The following CSMD1 variants were observed in gnomAD, a reference collection of about 807,000 sequenced individuals.
CSMD1 encodes CUB and Sushi multiple domains 1, also known as CUB and sushi domain-containing protein 1.
A neutral mutation model predicts 417.5 loss-of-function variants in CSMD1; 213 were observed. The ratio of observed to expected loss-of-function variants is 0.51; its 90% CI spans 0.46 to 0.57. CSMD1 has a LOEUF of 0.57. Ranked by LOEUF, CSMD1 falls within the 20% of genes least tolerant of loss-of-function variation. The pLI, the probability that CSMD1 is intolerant of heterozygous loss-of-function variation, is 0.00. For missense variants in CSMD1, 6,923 were observed against 4,529.7 expected, an observed-to-expected ratio of 1.53 and a Z score of -15.17; for synonymous variants, 2,862 against 1,736.8, an observed-to-expected ratio of 1.65 and a Z score of -16.11.
chr8:4,196,204 C>T (rs1360108433), intron 3 of CSMD1, among the ~76,000 whole-genome samples: 3 of 152,100 alleles, frequency 2.0e-5, no homozygotes, highest in Non-Finnish European at 4.4e-5. Flanking sequence ...GAGCAAGACT[C>T]CGTTTCAAAA....
chr8:2,991,017 T>G (rs1035887544), intron 54 of CSMD1, among the ~76,000 whole-genome samples: 1 of 152,194 alleles, frequency 6.6e-6, no homozygotes, highest in Non-Finnish European at 1.5e-5. Flanking sequence ...GCAATAGGAA[T>G]TGACTGCTGC....
intron 2 of CSMD1, among the ~76,000 whole-genome samples, chr8:4,510,273 G>T (rs1023769060): frequency 6.6e-6 from 1 of 151,170 alleles, no homozygotes; most frequent in African/African-American, 2.4e-5. Context: ...CCAAGTCTTG[G>T]GTATGTCTTT....
intron 12 of CSMD1, among the ~76,000 whole-genome samples, chr8:3,416,854 T>G (rs573014465): frequency 4.3e-4 from 66 of 152,370 alleles, no homozygotes; most frequent in African/African-American, 1.5e-3. Context: ...ATCAGGTTCT[T>G]TCTCTTCCCT....
At chr8:4,351,001 G>T (rs1412505950) in intron 3 of CSMD1, among the ~76,000 whole-genome samples, 1 of 152,022 alleles carries the variant, frequency 6.6e-6, no homozygotes. Context: ...CTGCTTAATC[G>T]AAATTAAAGT....
At chr8:4,486,619 C>T (rs570075533) in intron 2 of CSMD1, among the ~76,000 whole-genome samples, 27 of 151,978 alleles carry the variant, frequency 1.8e-4, no homozygotes, top group African/African-American at 5.6e-4. Context: ...TATATAAATA[C>T]GACTCAGTGA....
intron 1 of CSMD1, among the ~76,000 whole-genome samples, chr8:4,784,478 C>G (rs74811116): frequency 4.6e-5 from 7 of 152,186 alleles, no homozygotes; most frequent in African/African-American, 1.2e-4. Flanking sequence ...GAAATTTTAA[C>G]TGCTGTTTTA....
At chr8:4,136,545 A>T (rs1803446798) in intron 3 of CSMD1, among the ~76,000 whole-genome samples, 3 of 152,240 alleles carry the variant, frequency 2.0e-5, no homozygotes, top group Admixed American at 1.3e-4. Flanking sequence ...GACTCTCAGC[A>T]AAAGATGCAA....
intron 3 of CSMD1, among the ~76,000 whole-genome samples, chr8:4,104,838 G>A (rs527783011): frequency 6.6e-6 from 1 of 152,120 alleles, no homozygotes; most frequent in Non-Finnish European, 1.5e-5. Flanking sequence ...TGAGATCAAA[G>A]CCTCTGAGTG....
intron 2 of CSMD1, among the ~76,000 whole-genome samples, chr8:4,532,402 C>T (rs977488142): frequency 6.6e-6 from 1 of 150,680 alleles, no homozygotes; most frequent in Non-Finnish European, 1.5e-5. Flanking sequence ...CACCCCCATT[C>T]AGTCACTCCG....
chr8:4,461,742 T>TTTA (rs1554487163), intron 2 of CSMD1, among the ~76,000 whole-genome samples: 5 of 4,726 alleles, frequency 1.1e-3, no homozygotes, highest in Non-Finnish European at 2.4e-3. Context: ...TATTTACTTA[T>TTTA]TTTTTTTTTT....
chr8:3,205,317 C>T (rs1054068201), intron 31 of CSMD1, among the ~76,000 whole-genome samples, 187 bp downstream of exon 31: 2 of 152,132 alleles, frequency 1.3e-5, no homozygotes, highest in Non-Finnish European at 2.9e-5. Flanking sequence ...ATTAATATCA[C>T]ATTGGTAAAA....
Position 4,489,830 on chromosome 8 carries a change from C to G in CSMD1, c.303-69765G>C, listed in dbSNP as rs559794243. On this transcript the variant is annotated intron_variant, in intron 2 of 69. Coordinates refer to ENST00000635120, the MANE Select transcript of CSMD1 (RefSeq NM_033225.6). ...AGAACATAGTCAGGCTGCCACCTGA[C>G]TTGCAGCCTTGTGAGGTCGTAAGCA... 3.3e-4 allele frequency among the ~76,000 whole-genome samples: 51 copies of G among 152,288 alleles called. No individual in the cohort carries two copies. The South Asian group carries it at 0.011, about 32-fold the overall frequency.
chr8:3,889,977 G>A (rs535276152), intron 5 of CSMD1, among the ~76,000 whole-genome samples: 1 of 152,158 alleles, frequency 6.6e-6, no homozygotes, highest in Admixed American at 6.5e-5. Context: ...GAACCCAGGA[G>A]CTCGAGACAA....
chr8:3,096,709 C>T, intron 47 of CSMD1, 140 bp downstream of exon 47: 2 of 625,784 alleles, frequency 3.2e-6, no homozygotes, highest in Non-Finnish European at 5.5e-6. Context: ...TAACCCCAAA[C>T]TAGTTTATTT....
At chr8:4,893,163 G>C (rs953086814) in intron 1 of CSMD1, among the ~76,000 whole-genome samples, 1 of 151,970 alleles carries the variant, frequency 6.6e-6, no homozygotes, top group Admixed American at 6.5e-5. Context: ...GTTTTAATTT[G>C]CTTTTCTGTG....
chr8:4,245,664 C>G (rs1275084104), intron 3 of CSMD1, among the ~76,000 whole-genome samples: 1 of 151,998 alleles, frequency 6.6e-6, no homozygotes, highest in Admixed American at 6.6e-5. Context: ...ACCAATCTAC[C>G]CCATATGAAT....
At chr8:4,330,175 G>A (rs1262139509) in intron 3 of CSMD1, among the ~76,000 whole-genome samples, 2 of 135,204 alleles carry the variant, frequency 1.5e-5, no homozygotes, top group Admixed American at 7.8e-5. Context: ...CAGGAACAGA[G>A]GTTCCTGTTA....
intron 26 of CSMD1, among the ~76,000 whole-genome samples, chr8:3,263,364 G>A (rs1406663425): frequency 1.3e-5 from 2 of 152,188 alleles, no homozygotes; most frequent in Non-Finnish European, 2.9e-5. Flanking sequence ...CTGCCAAAGT[G>A]CTGGAATTAC....
intron 3 of CSMD1, among the ~76,000 whole-genome samples, chr8:4,158,477 C>G (rs924700667): frequency 2.0e-5 from 3 of 152,092 alleles, no homozygotes; most frequent in Non-Finnish European, 4.4e-5. Flanking sequence ...GCCGCTAGTG[C>G]AGTCATCAGT....
Sources: gnomAD v4.1 joint callset for allele counts (sites outside exome capture counted in the v4.1 genomes callset) on GRCh38, gnomAD v4.1.1 for gene constraint, MANE v1.5 for transcripts, NCBI Gene and HGNC (gene_info 2026-07-23, HGNC 2026-07-21) for gene names.